Variants in EEFSEC observed in about 807,000 individuals in gnomAD.
EEFSEC encodes selenocysteine-specific elongation factor.
A neutral mutation model predicts 42.1 loss-of-function variants in EEFSEC; 43 were observed. That is an observed-to-expected ratio of 1.02 (90% confidence interval 0.80 to 1.32). The LOEUF (loss-of-function observed/expected upper bound fraction) is 1.32. Ranked by LOEUF, EEFSEC falls within the 40% of genes most tolerant of loss-of-function variation. The pLI is 0.00. For synonymous variants in EEFSEC, 354 were observed against 339.1 expected (o/e 1.04, Z -0.48); for missense variants, 745 against 803.6 (o/e 0.93, Z 0.88).
intron 5 of EEFSEC, among the ~76,000 whole-genome samples, chr3:128,355,530 A>G (rs531436545): frequency 5.3e-5 from 8 of 151,780 alleles, no homozygotes; most frequent in African/African-American, 1.9e-4. Context: ...GTATATGTAT[A>G]CACATATTTA....
chr3:128,215,659 A>T (rs2107839056), intron 1 of EEFSEC, among the ~76,000 whole-genome samples: 1 of 152,314 alleles, frequency 6.6e-6, no homozygotes, highest in South Asian at 2.1e-4. Flanking sequence ...CCCCAAACTG[A>T]TTCTTAAAAC....
intron 1 of EEFSEC, among the ~76,000 whole-genome samples, chr3:128,215,487 G>A (rs560227737): frequency 2.0e-4 from 30 of 152,320 alleles, no homozygotes; most frequent in African/African-American, 7.0e-4. Flanking sequence ...GGACAGCGTT[G>A]ATGGATCAGA....
chr3:128,231,743 G>T (rs2065960829), intron 1 of EEFSEC, among the ~76,000 whole-genome samples: 1 of 152,098 alleles, frequency 6.6e-6, no homozygotes, highest in Non-Finnish European at 1.5e-5. Context: ...CCCTGTTAGG[G>T]CCTGTTGTTC....
chr3:128,227,227 A>G (rs2065916958), intron 1 of EEFSEC, among the ~76,000 whole-genome samples: 1 of 152,216 alleles, frequency 6.6e-6, no homozygotes. Flanking sequence ...CTCACTTGGC[A>G]GCTGAGCCCA....
At chr3:128,313,146 C>T (rs947401245) in intron 4 of EEFSEC, among the ~76,000 whole-genome samples, 12 of 152,128 alleles carry the variant, frequency 7.9e-5, no homozygotes, top group Non-Finnish European at 2.9e-5. Context: ...TTTCCTATTC[C>T]TGCCAGCTCT....
chr3:128,250,053 G>T (rs1442526953), intron 2 of EEFSEC, among the ~76,000 whole-genome samples: 1 of 151,876 alleles, frequency 6.6e-6, no homozygotes. Flanking sequence ...ATCTTTTTTT[G>T]AGAAATATCT....
At chr3:128,330,642 C>T (rs1231393140) in intron 4 of EEFSEC, among the ~76,000 whole-genome samples, 3 of 152,030 alleles carry the variant, frequency 2.0e-5, no homozygotes, top group Admixed American at 2.0e-4. Flanking sequence ...TGTGGGGCTC[C>T]AGGTAACACT....
At chr3:128,423,010 A>G in the EEFSEC span, among the ~76,000 whole-genome samples, 1 of 152,240 alleles carries the variant, frequency 6.6e-6, no homozygotes, top group Non-Finnish European at 1.5e-5. Flanking sequence ...TTAGCAGCAC[A>G]AACAGATCTG....
intron 5 of EEFSEC, among the ~76,000 whole-genome samples, chr3:128,347,886 A>C (rs1473685693): frequency 6.6e-6 from 1 of 152,214 alleles, no homozygotes; most frequent in East Asian, 1.9e-4. Context: ...AGACATAAGG[A>C]CAACGAGGCA....
At chr3:128,298,110 A>G (rs879904411) in intron 4 of EEFSEC, among the ~76,000 whole-genome samples, 7 of 152,210 alleles carry the variant, frequency 4.6e-5, no homozygotes, top group Non-Finnish European at 1.0e-4. Flanking sequence ...ATGGGGGCAT[A>G]TGCCTGGATC....
At chr3:128,250,605 T>A (rs1559886675) in intron 2 of EEFSEC, among the ~76,000 whole-genome samples, 1 of 152,200 alleles carries the variant, frequency 6.6e-6, no homozygotes, top group Non-Finnish European at 1.5e-5. Context: ...TATATGTCTG[T>A]CCTTAGGCTA....
chr3:128,411,549 G>A (rs73861083), downstream of EEFSEC, among the ~76,000 whole-genome samples: 1,295 of 152,336 alleles, frequency 8.5e-3, 20 homozygotes, highest in African/African-American at 0.03. Flanking sequence ...TGATGGGTGG[G>A]GTGGGGCATG....
At chr3:128,370,799 T>C (rs1242014928) in intron 6 of EEFSEC, among the ~76,000 whole-genome samples, 1 of 152,204 alleles carries the variant, frequency 6.6e-6, no homozygotes, top group African/African-American at 2.4e-5. Flanking sequence ...GTAGGGGCCC[T>C]ACAGGGCTTT....
chr3:128,183,666 G>A (rs996618979), intron 1 of EEFSEC, among the ~76,000 whole-genome samples: 12 of 152,190 alleles, frequency 7.9e-5, no homozygotes, highest in African/African-American at 2.2e-4. Context: ...TGTGAGAACC[G>A]ATGCGTGCAG....
intron 4 of EEFSEC, among the ~76,000 whole-genome samples, chr3:128,324,017 T>C (rs1332261124): frequency 6.6e-6 from 1 of 152,142 alleles, no homozygotes; most frequent in African/African-American, 2.4e-5. Context: ...CTCCATCTGC[T>C]CTGGGGAAGG....
chr3:128,230,109 A>G (rs1209403549), intron 1 of EEFSEC, among the ~76,000 whole-genome samples: 3 of 70,970 alleles, frequency 4.2e-5, no homozygotes, highest in African/African-American at 1.1e-4. Context: ...TTTTTCATTC[A>G]TTCATTCTTT....
chr3:128,409,047 G>A (rs2068155592), downstream of EEFSEC, among the ~76,000 whole-genome samples: 1 of 152,298 alleles, frequency 6.6e-6, no homozygotes, highest in South Asian at 2.1e-4. Context: ...AGGCTAGCAT[G>A]GTGAGGGCAC....
intron 5 of EEFSEC, among the ~76,000 whole-genome samples, chr3:128,343,270 C>T (rs368753960): frequency 3.3e-5 from 5 of 152,298 alleles, no homozygotes; most frequent in African/African-American, 9.6e-5. Flanking sequence ...CTGGTTTTCT[C>T]GTCTGGAATT....
chr3:128,398,600 C>T (rs772041633), intron 6 of EEFSEC, among the ~76,000 whole-genome samples: 13 of 152,102 alleles, frequency 8.5e-5, no homozygotes, highest in Non-Finnish European at 1.3e-4. Context: ...GCAGGAGCCC[C>T]GTGTCCGGGC....
Sources: gnomAD v4.1 joint callset for allele counts (sites outside exome capture counted in the v4.1 genomes callset) on GRCh38, gnomAD v4.1.1 for gene constraint, MANE v1.5 for transcripts, NCBI Gene and HGNC (gene_info 2026-07-23, HGNC 2026-07-21) for gene names.